Variants in DCAF8L2 observed in about 807,000 individuals in gnomAD.
DCAF8L2 encodes DDB1- and CUL4-associated factor 8-like protein 2.
For missense variants in DCAF8L2, 430 were observed against 490.7 expected, an observed-to-expected ratio of 0.88 and a Z score of 1.17; for synonymous variants, 200 against 190.9, an observed-to-expected ratio of 1.05 and a Z score of -0.39.
chrX:27,621,360 AT>A (rs113524231), intron 1 of DCAF8L2, among the ~76,000 whole-genome samples: 8,826 of 111,254 alleles, frequency 0.079, 695 homozygotes, highest in African/African-American at 0.24. Context: ...AAGGAAAATA[AT>A]TTTTTGTTAA....
chrX:27,703,478 C>T (rs1244697951), intron 3 of DCAF8L2, among the ~76,000 whole-genome samples: 1 of 111,643 alleles, frequency 9.0e-6, no homozygotes, highest in African/African-American at 3.2e-5. Flanking sequence ...TAAGGTTAGA[C>T]ATGATAATTA....
intron 4 of DCAF8L2, among the ~76,000 whole-genome samples, chrX:27,739,207 A>G (rs1921715974): frequency 9.1e-6 from 1 of 110,320 alleles, no homozygotes; most frequent in African/African-American, 3.3e-5. Flanking sequence ...GCTCACCATC[A>G]TCACTTCTTC....
the DCAF8L2 span, among the ~76,000 whole-genome samples, chrX:27,508,018 C>G: frequency 9.0e-6 from 1 of 111,688 alleles, no homozygotes; most frequent in Non-Finnish European, 1.9e-5. Flanking sequence ...GGTTTGTTCT[C>G]ATTCATTAAG....
At chrX:27,574,324 T>A in the DCAF8L2 span, among the ~76,000 whole-genome samples, 7 of 111,874 alleles carry the variant, frequency 6.3e-5, no homozygotes, top group East Asian at 2.0e-3. Context: ...GGCCCTGAAC[T>A]TGCCTGACTT....
At chrX:27,711,404 T>TAC (rs1931527883) in intron 3 of DCAF8L2, among the ~76,000 whole-genome samples, 3 of 98,635 alleles carry the variant, frequency 3.0e-5, no homozygotes, top group African/African-American at 1.4e-4. Context: ...TGTACGTGTG[T>TAC]GTGTGTGTGT....
chrX:27,491,644 T>C, the DCAF8L2 span, among the ~76,000 whole-genome samples: 1 of 112,319 alleles, frequency 8.9e-6, no homozygotes, highest in South Asian at 3.6e-4. Context: ...ATTTCGAAAC[T>C]GCAAATCTCT....
intron 1 of DCAF8L2, among the ~76,000 whole-genome samples, chrX:27,628,392 T>C (rs1272415246): frequency 8.9e-6 from 1 of 112,158 alleles, no homozygotes; most frequent in Non-Finnish European, 1.9e-5. Flanking sequence ...GCAATGAACA[T>C]GGGAATGCAG....
intron 4 of DCAF8L2, among the ~76,000 whole-genome samples, chrX:27,744,575 A>G (rs1922060985): frequency 9.0e-6 from 1 of 111,501 alleles, no homozygotes; most frequent in African/African-American, 3.3e-5. Context: ...GATGCTTAAA[A>G]TAAATATATT....
chrX:27,699,166 A>T (rs774553459), intron 3 of DCAF8L2, among the ~76,000 whole-genome samples: 35 of 112,291 alleles, frequency 3.1e-4, no homozygotes, highest in Non-Finnish European at 6.6e-4. Flanking sequence ...GTGGAAAAAG[A>T]TGTTATACTC....
At chrX:27,672,805 C>G (rs1929994105) in intron 2 of DCAF8L2, among the ~76,000 whole-genome samples, 1 of 112,212 alleles carries the variant, frequency 8.9e-6, no homozygotes, top group African/African-American at 3.2e-5. Flanking sequence ...GTTATTTGCT[C>G]AAAATCTCTC....
chrX:27,510,969 T>A, the DCAF8L2 span, among the ~76,000 whole-genome samples: 147 of 111,103 alleles, frequency 1.3e-3, no homozygotes, highest in African/African-American at 4.6e-3. Context: ...TTAAGTTGAT[T>A]TTCCTTAGTA....
At chrX:27,598,347 C>A (rs1168615088) in intron 1 of DCAF8L2, among the ~76,000 whole-genome samples, 1 of 110,237 alleles carries the variant, frequency 9.1e-6, no homozygotes, top group Non-Finnish European at 1.9e-5. Context: ...GTAATATAAC[C>A]CCCCCCACCC....
chrX:27,534,702 G>C, the DCAF8L2 span, among the ~76,000 whole-genome samples: 1 of 112,111 alleles, frequency 8.9e-6, no homozygotes, highest in African/African-American at 3.2e-5. Context: ...CGAAGACACT[G>C]ATTTTCCCTA....
At chrX:27,587,839 T>G (rs2147103105), upstream of DCAF8L2, among the ~76,000 whole-genome samples, 1 of 109,108 alleles carries the variant, frequency 9.2e-6, no homozygotes, top group South Asian at 3.9e-4. Context: ...AAATATGGGG[T>G]CTACCCCTCT....
the DCAF8L2 span, among the ~76,000 whole-genome samples, chrX:27,582,970 C>G: frequency 5.4e-5 from 6 of 111,644 alleles, no homozygotes. Flanking sequence ...TGAGTCTATG[C>G]AAATTCTGTT....
the DCAF8L2 span, among the ~76,000 whole-genome samples, chrX:27,542,343 C>T: frequency 9.0e-6 from 1 of 110,892 alleles, no homozygotes; most frequent in African/African-American, 3.3e-5. Flanking sequence ...TCCCTTTTCT[C>T]TGCAGCCTCA....
chrX:27,720,838 A>G (rs1931879364), intron 4 of DCAF8L2, among the ~76,000 whole-genome samples: 1 of 111,839 alleles, frequency 8.9e-6, no homozygotes, highest in South Asian at 3.6e-4. Context: ...AGTTAATGTT[A>G]CCCATGTTTT....
the DCAF8L2 span, among the ~76,000 whole-genome samples, chrX:27,580,626 A>G: frequency 8.9e-6 from 1 of 112,025 alleles, no homozygotes; most frequent in East Asian, 2.8e-4. Flanking sequence ...AACGGCTTCA[A>G]CATGTTCTTC....
At chrX:27,567,672 C>T in the DCAF8L2 span, among the ~76,000 whole-genome samples, 21 of 101,747 alleles carry the variant, frequency 2.1e-4, no homozygotes, top group African/African-American at 6.1e-4. Flanking sequence ...TTATATGATA[C>T]TTTATTCCAT....
Sources: gnomAD v4.1 joint callset for allele counts (sites outside exome capture counted in the v4.1 genomes callset) on GRCh38, gnomAD v4.1.1 for gene constraint, MANE v1.5 for transcripts, NCBI Gene and HGNC (gene_info 2026-07-23, HGNC 2026-07-21) for gene names.